HEY2: variants seen among roughly 807,000 people sequenced by gnomAD.
HEY2 encodes hairy/enhancer-of-split related with YRPW motif protein 2.
HEY2 carries 10 observed loss-of-function variants against 18.1 expected under a neutral mutation model. The ratio of observed to expected loss-of-function variants is 0.55; its 90% CI spans 0.34 to 0.94. HEY2 has a LOEUF of 0.94. HEY2 is among the 40% of genes least tolerant of loss of function. The pLI is 0.02. For synonymous variants in HEY2, 210 were observed against 182.7 expected, an observed-to-expected ratio of 1.15 and a Z score of -1.21; for missense variants, 455 against 455.9, an observed-to-expected ratio of 1.00 and a Z score of 0.02.
intron 1 of HEY2, chr6:125,750,156 A>G: frequency 2.7e-6 from 2 of 745,414 alleles, no homozygotes; most frequent in South Asian, 6.0e-5. Context: ...CGCGAACGGC[A>G]GCGTCTGGGC....
In HEY2 at chr6:125,749,711, G is replaced by A; in HGVS notation, c.-66G>A. ...CCGGGGAGGGAGGAGGCGGGCGTCA[G>A]GGTGCTGCGCCCCGCTCGGCGTCCG... On this transcript the variant is annotated 5_prime_UTR_variant, in exon 1 of 5. Transcript: ENST00000368364. 1.6e-6 allele frequency: 2 copies of A among 1,278,050 alleles called. No individual in the cohort carries two copies. The highest frequency in any genetic ancestry group is 2.2e-6 in the Non-Finnish European group (2 of 919,870). 79.2% of individuals were successfully genotyped at this position (1,278,050 alleles called of 1,614,324 possible).
At chr6:125,752,426 T>TCAA (rs1554254889) in intron 3 of HEY2, among the ~76,000 whole-genome samples, 987 of 49,968 alleles carry the variant, frequency 0.02, 16 homozygotes, top group African/African-American at 0.052. Flanking sequence ...ACCGTATCCT[T>TCAA]CAAAAAAAAA....
At chr6:125,756,963 G>C (rs1020049022) in intron 4 of HEY2, among the ~76,000 whole-genome samples, 1 of 152,188 alleles carries the variant, frequency 6.6e-6, no homozygotes, top group Non-Finnish European at 1.5e-5. Flanking sequence ...AATAGGATAG[G>C]AATTGCATAA....
intron 3 of HEY2, among the ~76,000 whole-genome samples, chr6:125,754,060 T>C (rs1327525809): frequency 1.3e-5 from 2 of 152,214 alleles, no homozygotes; most frequent in Admixed American, 6.5e-5. Context: ...GGAGTTGTTA[T>C]GCAACTCCTC....
chr6:125,753,443 T>C (rs188375420), intron 3 of HEY2, among the ~76,000 whole-genome samples: 66 of 152,194 alleles, frequency 4.3e-4, no homozygotes, highest in African/African-American at 1.4e-3. Context: ...TGTCACAATA[T>C]GATTAGAAAA....
rs753438523 is a variant in HEY2, at chr6:125,759,635, G to A, written c.847G>A (p.Ala283Thr). ...AAAHSFPLSFAGAFPMLPPNA... is the reference protein window; with the variant it reads ...AAAHSFPLSFTGAFPMLPPNA... ...TGCACACAGCTTCCCTCTGTCCTTC[G>A]CGGGGGCATTCCCCATGCTTCCCCC... The change falls in exon 5 of 5, where the codon GCG becomes ACG. Residue 283 changes from alanine to threonine, a missense_variant. Ala to Thr is a moderately conservative substitution (Grantham distance 58). Transcript: ENST00000368364. 2.5e-6 allele frequency: 4 copies of A among 1,610,898 alleles called. No individual in the cohort carries two copies. Among genetic ancestry groups the A allele is most frequent in the Admixed American group, 3.3e-5 (2 of 60,012 alleles).
intron 2 of HEY2, 58 bp downstream of exon 2, chr6:125,751,937 C>A (rs1047446507): frequency 6.6e-5 from 105 of 1,579,984 alleles, no homozygotes; most frequent in Non-Finnish European, 7.9e-5. Context: ...GTAACAGTTA[C>A]ATTTTTTCAT....
chr6:125,750,441 T>C, intron 1 of HEY2: 1 of 977,240 alleles, frequency 1.0e-6, no homozygotes, highest in Non-Finnish European at 1.2e-6. Context: ...CTGGAAGAGA[T>C]CGGCGTCGTA....
In HEY2 at chr6:125,759,357, A is replaced by G. The variant is rs769615126; in HGVS notation, c.569A>G (p.His190Arg). 1.2e-6 allele frequency: 2 copies of G among 1,604,998 alleles called. No homozygotes were observed. The highest frequency in any genetic ancestry group is 2.2e-5 in the East Asian group (1 of 44,786). ...CCGCATCACTGGGCCGCCGCCTTCCACCACCTGCCCGCAGCCCTGCTCCAG... is the reference window on the plus strand; with the variant it reads ...CCGCATCACTGGGCCGCCGCCTTCCGCCACCTGCCCGCAGCCCTGCTCCAG... Reference protein sequence around the residue: ...LHPHHWAAAFHHLPAALLQPN... With the variant: ...LHPHHWAAAFRHLPAALLQPN... Residue 190 changes from histidine (H) to arginine (R), a missense_variant, in exon 5 of 5, where the codon CAC becomes CGC. Physicochemically the swap from His to Arg is conservative, Grantham distance 29. Coordinates refer to ENST00000368364, the MANE Select transcript of HEY2 (RefSeq NM_012259.3).
At chr6:125,753,211 A>T (rs1773586059) in intron 3 of HEY2, among the ~76,000 whole-genome samples, 2 of 152,236 alleles carry the variant, frequency 1.3e-5, no homozygotes, top group African/African-American at 4.8e-5. Flanking sequence ...TTCAAGTGAA[A>T]ATGTCAGTAA....
In HEY2 at chr6:125,759,879, G is replaced by A; in HGVS notation, c.*77G>A. 3 of 1,224,318 alleles carry A rather than the reference G, an allele frequency of 2.5e-6. No individual in the cohort carries two copies. Among genetic ancestry groups the A allele is most frequent in the Non-Finnish European group, 3.5e-6 (3 of 860,722 alleles). The allele number at this position is 1,224,318 out of a possible 1,614,324, so 75.8% of individuals were successfully genotyped here. The stretch of plus-strand genomic sequence containing the variant: ...CAGCTTAAAACCTCTGCACCCTGAA[G>A]GTAGCCATACAGATGCCGACAGATC... On this transcript the variant is annotated 3_prime_UTR_variant, in exon 5 of 5. Coordinates refer to ENST00000368364, the MANE Select transcript of HEY2 (RefSeq NM_012259.3).
intron 4 of HEY2, among the ~76,000 whole-genome samples, chr6:125,757,185 C>T (rs1773679396): frequency 6.6e-6 from 1 of 152,194 alleles, no homozygotes; most frequent in Non-Finnish European, 1.5e-5. Flanking sequence ...CGAAATCCCT[C>T]TGGATTTCTG....
chr6:125,757,953 GATAA>G (rs1444445872), intron 4 of HEY2, among the ~76,000 whole-genome samples: 3 of 152,132 alleles, frequency 2.0e-5, no homozygotes, highest in African/African-American at 7.2e-5. Context: ...CTGTCTCAAA[GATAA>G]ATAAATTAAT....
intron 3 of HEY2, among the ~76,000 whole-genome samples, chr6:125,753,426 T>C (rs930646457): frequency 4.6e-5 from 7 of 152,106 alleles, no homozygotes; most frequent in African/African-American, 1.2e-4. Flanking sequence ...CCCAAGTGAG[T>C]TGGCCCTGTC....
rs769535036 is a variant in HEY2, at chr6:125,759,446, C to A, written c.658C>A (p.Pro220Thr). 1.2e-6 allele frequency: 2 copies of A among 1,611,682 alleles called. No individual in the cohort carries two copies. Among genetic ancestry groups the A allele is most frequent in the Non-Finnish European group, 1.7e-6 (2 of 1,179,980 alleles). ...CRLSTTSEVP[P>T]AHGSALLTAT... ...CCTCTCCACAACTTCAGAAGTGCCT[C>A]CTGCCCACGGCTCTGCTCTCCTCAC... The change falls in exon 5 of 5, where the codon CCT becomes ACT. Residue 220 changes from proline (P) to threonine (T), a missense_variant. Pro to Thr is a conservative substitution (Grantham distance 38). Transcript: ENST00000368364.
At position 125,759,504 on chromosome 6, in the gene HEY2, G is replaced by A. The variant is rs1323370574; in HGVS notation, c.716G>A (p.Arg239Gln). The A allele has an allele frequency of 3.1e-6, 5 of 1,611,092 alleles. No homozygotes were observed. Among genetic ancestry groups the A allele is most frequent in the Non-Finnish European group, 4.2e-6 (5 of 1,179,980 alleles). Residue 239 changes from arginine to glutamine, a missense_variant, in exon 5 of 5, where the codon CGA becomes CAA. Coordinates refer to ENST00000368364, the MANE Select transcript of HEY2 (RefSeq NM_012259.3). The stretch of plus-strand genomic sequence containing the variant: ...TTTGCCCATGCGGATTCAGCCCTCC[G>A]AATGCCATCCACGGGCAGCGTCGCC... ...ATFAHADSALRMPSTGSVAPC... is the reference protein window; with the variant it reads ...ATFAHADSALQMPSTGSVAPC...
In HEY2 at chr6:125,759,583, CGCCGCA is replaced by C. The variant is rs758282127; in HGVS notation, c.804_809del (p.Ala270_Ala271del). 3 of 1,610,488 alleles carry C rather than the reference CGCCGCA, an allele frequency of 1.9e-6. No individual in the cohort carries two copies. The highest frequency in any genetic ancestry group is 1.7e-6 in the Non-Finnish European group (2 of 1,179,780). ...TCTTGTCCCTCTCTGCCACCGTCCA[CGCCGCA>C]GCCGCAGCAGCCACCGCGGCTGCAC... On this transcript the variant is annotated inframe_deletion, in exon 5 of 5. Coordinates refer to ENST00000368364, the MANE Select transcript of HEY2 (RefSeq NM_012259.3).
intron 3 of HEY2, among the ~76,000 whole-genome samples, chr6:125,753,957 A>G (rs3799712): frequency 0.56 from 84,725 of 151,950 alleles, 23,940 homozygotes; most frequent in East Asian, 0.75. Context: ...ACCTTATTTC[A>G]GGACTTAGTA....
At chr6:125,753,585 A>G (rs1773594306) in intron 3 of HEY2, among the ~76,000 whole-genome samples, 1 of 152,186 alleles carries the variant, frequency 6.6e-6, no homozygotes, top group South Asian at 2.1e-4. Context: ...AAAAGAGAAC[A>G]TATTGGTAAT....
Sources: gnomAD v4.1 joint callset for allele counts (sites outside exome capture counted in the v4.1 genomes callset) on GRCh38, gnomAD v4.1.1 for gene constraint, MANE v1.5 for transcripts, NCBI Gene and HGNC (gene_info 2026-07-23, HGNC 2026-07-21) for gene names.